The following MYCBP2 variants were observed in gnomAD, a reference collection of about 807,000 sequenced individuals.
MYCBP2 encodes MYC binding protein 2.
Under a neutral mutation model 525.3 loss-of-function variants are expected in MYCBP2, and 120 were observed. The ratio of observed to expected loss-of-function variants is 0.23; its 90% CI spans 0.20 to 0.27. The LOEUF (loss-of-function observed/expected upper bound fraction) is 0.27. MYCBP2 is among the 10% of genes least tolerant of loss of function. MYCBP2 has a pLI of 1.00. For synonymous variants in MYCBP2, 1,894 were observed against 1,955.8 expected, an observed-to-expected ratio of 0.97 and a Z score of 0.83; for missense variants, 4,149 against 5,657.1, an observed-to-expected ratio of 0.73 and a Z score of 8.55.
intron 4 of MYCBP2, among the ~76,000 whole-genome samples, chr13:77,276,666 GTTTT>G (rs918291254): frequency 1.3e-5 from 2 of 151,336 alleles, no homozygotes; most frequent in African/African-American, 4.9e-5. Context: ...TTTTTTGGGG[GTTTT>G]TTTTTTGGTA....
intron 46 of MYCBP2, among the ~76,000 whole-genome samples, chr13:77,153,223 G>A (rs2056757196): frequency 1.3e-5 from 2 of 152,138 alleles, no homozygotes; most frequent in East Asian, 1.9e-4. Flanking sequence ...TCACTGAGCT[G>A]TTTAACACTT....
At chr13:77,045,883 G>C (rs930490762) in intron 82 of MYCBP2, among the ~76,000 whole-genome samples, 7 of 152,150 alleles carry the variant, frequency 4.6e-5, no homozygotes, top group African/African-American at 1.4e-4. Context: ...AAAACAGGGA[G>C]ATTTTTGTGT....
chr13:77,296,384 C>T (rs542165961), intron 2 of MYCBP2, among the ~76,000 whole-genome samples: 11 of 151,172 alleles, frequency 7.3e-5, no homozygotes, highest in Non-Finnish European at 1.6e-4. Context: ...CAAAACAAGA[C>T]CCTGTTTCAA....
At chr13:77,064,779 T>C (rs2039936583) in intron 72 of MYCBP2, 45 bp from the exon 73 acceptor site, 4 of 1,532,952 alleles carry the variant, frequency 2.6e-6, no homozygotes, top group East Asian at 2.3e-5. Flanking sequence ...CAGAAATGTA[T>C]TACCATAGTA....
Position 77,306,502 on chromosome 13 carries a change from T to C in MYCBP2, c.303-9828A>G, listed in dbSNP as rs76535005. Among the ~76,000 whole-genome samples the C allele has an allele frequency of 6.4e-4, 97 of 152,132 alleles. No individual in the cohort carries two copies. In the East Asian group the frequency reaches 0.013, roughly 21 times the overall value. On this transcript the variant is annotated intron_variant, in intron 1 of 82. Transcript: ENST00000544440. The stretch of plus-strand genomic sequence containing the variant: ...CTTCACATGGGGGGAGGACTATAAA[T>C]AAAGCTACCTTGGCAATGGGCAGAG...
At position 77,061,296 on chromosome 13, in the gene MYCBP2, G is replaced by A. The variant is rs368544796; in HGVS notation, c.12909C>T (p.Phe4303=). The change falls in exon 76 of 83, where the codon TTC becomes TTT. Residue 4303 remains phenylalanine (F), a synonymous_variant. Coordinates refer to ENST00000544440, the MANE Select transcript of MYCBP2 (RefSeq NM_015057.5). ...CCTTTATAGCTTCTTCTTCTTCTTT[G>A]AAGACCTATTATTTCATTAAAGAAC... The part of the protein sequence containing the change: ...RRTKTHQRQV[F]KEEEEAIKVD... The A allele has an allele frequency of 1.8e-4, 293 of 1,603,406 alleles. No homozygotes were observed. The highest frequency in any genetic ancestry group is 2.4e-4 in the Non-Finnish European group (280 of 1,176,060).
At chr13:77,095,642 C>A in intron 57 of MYCBP2, 40 bp from the exon 58 acceptor site, 1 of 1,587,962 alleles carries the variant, frequency 6.3e-7, no homozygotes, top group Non-Finnish European at 8.6e-7. Flanking sequence ...TTCTGACTTA[C>A]ATTAAAATCC....
chr13:77,077,129 A>G lies in MYCBP2; in HGVS notation c.11724+19T>C. On this transcript the variant is annotated intron_variant, in intron 67 of 82. Coordinates refer to ENST00000544440, the MANE Select transcript of MYCBP2 (RefSeq NM_015057.5). ...TACATCAATTATCCTGTGCTAGAAT[A>G]TGTTGTAAGGACACTCACTTGAGAC... 1 of 1,609,758 alleles carries G rather than the reference A, an allele frequency of 6.2e-7. No homozygotes were observed.
At position 77,121,476 on chromosome 13, in the gene MYCBP2, C is replaced by G; in HGVS notation, c.8037G>C (p.Gln2679His). 6.3e-7 allele frequency: 1 copy of G among 1,583,024 alleles called. No individual in the cohort carries two copies. Among genetic ancestry groups the G allele is most frequent in the Non-Finnish European group, 8.6e-7 (1 of 1,159,672 alleles). ...RHEDEQALLD[Q>H]NSQTPPPSPF... Reference sequence around the variant, plus strand: ...GGCTTGGAGGAGGAGTTTGAGAATTCTGATCCAGAAGAGCTTGTTCTACAA... The same window carrying G: ...GGCTTGGAGGAGGAGTTTGAGAATTGTGATCCAGAAGAGCTTGTTCTACAA... The change falls in exon 55 of 83, where the codon CAG (glutamine) becomes CAC (histidine). Residue 2679 changes from glutamine to histidine, a missense_variant. Coordinates refer to ENST00000544440, the MANE Select transcript of MYCBP2 (RefSeq NM_015057.5).
chr13:77,221,605 C>T (rs1473694071), intron 20 of MYCBP2, among the ~76,000 whole-genome samples: 2 of 152,112 alleles, frequency 1.3e-5, no homozygotes, highest in Non-Finnish European at 2.9e-5. Context: ...CTCTTTGCTG[C>T]ATACATGACT....
At chr13:77,275,041 T>G (rs2075364625) in intron 4 of MYCBP2, among the ~76,000 whole-genome samples, 2 of 152,208 alleles carry the variant, frequency 1.3e-5, no homozygotes, top group African/African-American at 4.8e-5. Context: ...TATCCTTCAG[T>G]GAGTACATCT....
At chr13:77,237,415 AG>A (rs1021351747) in intron 17 of MYCBP2, among the ~76,000 whole-genome samples, 4 of 151,852 alleles carry the variant, frequency 2.6e-5, no homozygotes, top group South Asian at 2.1e-4. Context: ...ATTTACTTTG[AG>A]GGGGGGATGG....
chr13:77,099,298 G>A, intron 55 of MYCBP2: 1 of 333,620 alleles, frequency 3.0e-6, no homozygotes, highest in East Asian at 6.2e-5. Flanking sequence ...CTGCCCTAGT[G>A]CAATAACTAG....
At chr13:77,251,118 A>T in intron 15 of MYCBP2, 33 bp downstream of exon 15, 1 of 1,596,644 alleles carries the variant, frequency 6.3e-7, no homozygotes, top group Non-Finnish European at 8.6e-7. Flanking sequence ...TGTGTTCTGC[A>T]CATGTTCTTT....
intron 55 of MYCBP2, chr13:77,099,717 G>T (rs1285978448): frequency 6.6e-6 from 1 of 152,130 alleles, no homozygotes; most frequent in Non-Finnish European, 1.5e-5. Context: ...CACAGAAACG[G>T]TGGATCCTCA....
intron 19 of MYCBP2, 24 bp from the exon 20 acceptor site, chr13:77,224,556 AT>A: frequency 2.1e-6 from 3 of 1,422,040 alleles, no homozygotes; most frequent in South Asian, 1.2e-5. Flanking sequence ...ACACAGCTTT[AT>A]TTTTTCATTA....
chr13:77,326,382 C>T lies in MYCBP2; in HGVS notation c.302+92G>A, dbSNP rs1271117894. 4 of 1,280,222 alleles carry T rather than the reference C, an allele frequency of 3.1e-6. No homozygotes were observed. The highest frequency in any genetic ancestry group is 1.5e-5 in the African/African-American group (1 of 64,528). 79.3% of individuals were successfully genotyped at this position (1,280,222 alleles called of 1,614,324 possible). ...AGCTCAATAAATGCGCAGGTACACA[C>T]ACGCAAGCACACACACACGCGGGTG... is the stretch of plus-strand genomic sequence containing the variant. On this transcript the variant is annotated intron_variant, in intron 1 of 82. Coordinates refer to ENST00000544440, the MANE Select transcript of MYCBP2 (RefSeq NM_015057.5). The surrounding 1 kb of genome is among the most constrained non-coding windows in gnomAD (Gnocchi z 4.2).
chr13:77,234,405 C>T (rs897821245), intron 17 of MYCBP2, among the ~76,000 whole-genome samples: 2 of 151,930 alleles, frequency 1.3e-5, no homozygotes, highest in African/African-American at 2.4e-5. Flanking sequence ...ATTGAGCCTA[C>T]TGCCCTCTAA....
rs1435627223 is a variant in MYCBP2 at position 77,098,625 on chromosome 13, G to A, written c.8529C>T (p.Ser2843=). 1.9e-6 allele frequency: 3 copies of A among 1,613,676 alleles called. No homozygotes were observed. Among genetic ancestry groups the A allele is most frequent in the South Asian group, 2.2e-5 (2 of 91,060 alleles). ...GAGGTAGATTTTTATCATGTGGTGA[G>A]GAGGAGCGTGGAGAACTAGCACCCG... The part of the protein sequence containing the change: ...SPSGASSPRS[S]SPHDKNLPQK... Residue 2843 remains serine, a synonymous_variant, in exon 56 of 83, where the codon TCC becomes TCT. Coordinates refer to ENST00000544440, the MANE Select transcript of MYCBP2 (RefSeq NM_015057.5).
Sources: gnomAD v4.1 joint callset for allele counts (sites outside exome capture counted in the v4.1 genomes callset) on GRCh38, gnomAD v4.1.1 for gene constraint, Gnocchi (gnomAD v3.1) non-coding constraint, MANE v1.5 for transcripts, NCBI Gene and HGNC (gene_info 2026-07-23, HGNC 2026-07-21) for gene names.